Variants in IP6K1 observed in about 807,000 individuals in gnomAD.
IP6K1 encodes the protein inositol hexakisphosphate kinase 1, also known as ATP:1D-myo-inositol-hexakisphosphate phosphotransferase.
Under a neutral mutation model 38.3 loss-of-function variants are expected in IP6K1, and 13 were observed. The observed-to-expected ratio is 0.34, with a 90% confidence interval of 0.22 to 0.54. The LOEUF (loss-of-function observed/expected upper bound fraction) is 0.54. Among genes scored for constraint, IP6K1 ranks in the 20% least tolerant of loss-of-function variants. The pLI, the probability that IP6K1 is intolerant of heterozygous loss-of-function variation, is 0.92. For synonymous variants in IP6K1, 212 were observed against 229.9 expected, an observed-to-expected ratio of 0.92 and a Z score of 0.70; for missense variants, 397 against 599.8, an observed-to-expected ratio of 0.66 and a Z score of 3.53.
At chr3:49,779,782 C>T (rs2081049315) in intron 1 of IP6K1, among the ~76,000 whole-genome samples, 1 of 152,114 alleles carries the variant, frequency 6.6e-6, no homozygotes, top group African/African-American at 2.4e-5. Flanking sequence ...ACCTCCTGGG[C>T]TCAAGCAATC....
chr3:49,772,084 C>T (rs1439258245), intron 1 of IP6K1, among the ~76,000 whole-genome samples: 2 of 151,820 alleles, frequency 1.3e-5, no homozygotes, highest in Non-Finnish European at 2.9e-5. Flanking sequence ...GCAGTGCACA[C>T]CTGTAGTCCC....
chr3:49,772,762 T>A (rs866444143), intron 1 of IP6K1, among the ~76,000 whole-genome samples: 1 of 149,766 alleles, frequency 6.7e-6, no homozygotes, highest in Non-Finnish European at 1.5e-5. Context: ...AGTTAATAAT[T>A]CTTTTTTTTT....
At chr3:49,763,801 G>T (rs2080886242) in intron 1 of IP6K1, among the ~76,000 whole-genome samples, 1 of 151,272 alleles carries the variant, frequency 6.6e-6, no homozygotes, top group Non-Finnish European at 1.5e-5. Flanking sequence ...GGATCACTTG[G>T]GGTCAGGAGT....
chr3:49,763,315 C>A (rs2080882916), intron 1 of IP6K1, among the ~76,000 whole-genome samples: 1 of 151,236 alleles, frequency 6.6e-6, no homozygotes, highest in Non-Finnish European at 1.5e-5. Context: ...CCGTGTTAGC[C>A]AGGATGGTCT....
intron 1 of IP6K1, among the ~76,000 whole-genome samples, chr3:49,751,732 C>T (rs1327636905): frequency 6.6e-6 from 1 of 152,114 alleles, no homozygotes; most frequent in African/African-American, 2.4e-5. Context: ...CCTTTGTTTG[C>T]TTTGTAATAC....
intron 1 of IP6K1, among the ~76,000 whole-genome samples, chr3:49,760,974 T>C (rs2080863054): frequency 6.6e-6 from 1 of 152,238 alleles, no homozygotes; most frequent in Admixed American, 6.5e-5. Flanking sequence ...CTATACTGAT[T>C]CAGCTAAAGC....
chr3:49,741,474 T>C (rs2080668617), intron 2 of IP6K1, among the ~76,000 whole-genome samples: 1 of 152,024 alleles, frequency 6.6e-6, no homozygotes. Flanking sequence ...AAAATCTCTA[T>C]TCAAGCCCTT....
At chr3:49,779,846 C>T (rs1303993840) in intron 1 of IP6K1, among the ~76,000 whole-genome samples, 1 of 152,020 alleles carries the variant, frequency 6.6e-6, no homozygotes, top group Non-Finnish European at 1.5e-5. Flanking sequence ...CCACTATGCT[C>T]GTTTAACTTT....
At position 49,751,137 on chromosome 3, in the gene IP6K1, G is replaced by A. The variant is rs138668318; in HGVS notation, c.-128-2969C>T. Among the ~76,000 whole-genome samples the A allele has an allele frequency of 8.2e-3, 1,090 of 133,256 alleles. 6 individuals carry two copies. The highest frequency in any genetic ancestry group is 0.04 in the Middle Eastern group (11 of 278). 87.4% of individuals were successfully genotyped at this position (133,256 alleles called of 152,430 possible). A position where few individuals can be genotyped will look rare whatever the true frequency, so the allele number is the denominator to read the frequency against. ...AGTGCCCATCCCTGGAAATAGCAACGGCTCTGACTCCTTTTTTTTTTGTTG... is the reference window on the plus strand; with the variant it reads ...AGTGCCCATCCCTGGAAATAGCAACAGCTCTGACTCCTTTTTTTTTTGTTG... On this transcript the variant is annotated intron_variant, in intron 1 of 5. Transcript: ENST00000321599.
Position 49,780,701 on chromosome 3 carries a change from T to C in IP6K1, c.-129+5653A>G, listed in dbSNP as rs929122322. 3.9e-5 allele frequency among the ~76,000 whole-genome samples: 6 copies of C among 152,192 alleles called. No homozygotes were observed. The South Asian group carries it at 1.2e-3, about 32-fold the overall frequency. Reference sequence around the variant, plus strand: ...AATGTTTTCCTAGAAAAGTGGCACTTTAACCAGGAAGGGCTCTTTCCAGGC... The same window carrying C: ...AATGTTTTCCTAGAAAAGTGGCACTCTAACCAGGAAGGGCTCTTTCCAGGC... On this transcript the variant is annotated intron_variant, in intron 1 of 5. Transcript: ENST00000321599.
intron 4 of IP6K1, among the ~76,000 whole-genome samples, chr3:49,729,669 A>T (rs1166752801): frequency 1.3e-5 from 2 of 151,752 alleles, no homozygotes; most frequent in Non-Finnish European, 2.9e-5. Context: ...TGGCCTCCCA[A>T]AGTGCTGGGA....
chr3:49,761,643 T>TAA (rs2080869328), intron 1 of IP6K1, among the ~76,000 whole-genome samples: 2 of 147,422 alleles, frequency 1.4e-5, no homozygotes, highest in African/African-American at 5.0e-5. Flanking sequence ...ATTAATAACC[T>TAA]AAGGTTCTCA....
intron 1 of IP6K1, among the ~76,000 whole-genome samples, chr3:49,776,580 CTTAT>C (rs1454664011): frequency 2.0e-5 from 3 of 151,668 alleles, no homozygotes; most frequent in Non-Finnish European, 4.4e-5. Context: ...GAAAAGGACA[CTTAT>C]TTACAGTATG....
intron 1 of IP6K1, among the ~76,000 whole-genome samples, chr3:49,753,096 TAA>T (rs2080792753): frequency 6.6e-6 from 1 of 152,026 alleles, no homozygotes; most frequent in Non-Finnish European, 1.5e-5. Context: ...TGTCAAAAAA[TAA>T]AAAGTCCACA....
chr3:49,738,127 G>A, intron 3 of IP6K1, 85 bp downstream of exon 3: 3 of 1,118,520 alleles, frequency 2.7e-6, no homozygotes, highest in Non-Finnish European at 4.0e-6. Flanking sequence ...AACCTTGACT[G>A]TGAGCCCTGC....
chr3:49,745,653 G>A (rs1259668018), intron 2 of IP6K1, among the ~76,000 whole-genome samples: 6 of 152,138 alleles, frequency 3.9e-5, no homozygotes, highest in South Asian at 4.1e-4. Context: ...TCAGGAGTTC[G>A]AAAGCAGCTT....
At chr3:49,777,641 G>C (rs542003011) in intron 1 of IP6K1, among the ~76,000 whole-genome samples, 2 of 152,132 alleles carry the variant, frequency 1.3e-5, no homozygotes, top group East Asian at 3.9e-4. Flanking sequence ...AGGGCCAGGC[G>C]TGGTGGCTCA....
intron 2 of IP6K1, among the ~76,000 whole-genome samples, chr3:49,741,445 T>G (rs2080668403): frequency 6.6e-6 from 1 of 152,380 alleles, no homozygotes; most frequent in African/African-American, 2.4e-5. Flanking sequence ...CTACTGGCCA[T>G]CTGTATGTCC....
intron 3 of IP6K1, among the ~76,000 whole-genome samples, chr3:49,735,130 G>C (rs2080597468): frequency 1.3e-5 from 2 of 152,214 alleles, no homozygotes. Flanking sequence ...CAAGGTGGGA[G>C]GACTGCTTGA....
Sources: allele counts gnomAD v4.1 joint callset (sites outside exome capture counted in the v4.1 genomes callset), GRCh38; gene constraint gnomAD v4.1.1; transcripts MANE v1.5; gene names NCBI Gene and HGNC (gene_info 2026-07-23, HGNC 2026-07-21).